The following NFASC variants were observed in gnomAD, a reference collection of about 807,000 sequenced individuals.
NFASC encodes neurofascin homolog.
Under a neutral mutation model 147.5 loss-of-function variants are expected in NFASC, and 43 were observed. The ratio of observed to expected loss-of-function variants is 0.29; its 90% CI spans 0.23 to 0.38. The LOEUF is 0.38. Ranked by LOEUF, NFASC falls within the 10% of genes least tolerant of loss-of-function variation. The probability of loss-of-function intolerance (pLI) is 1.00; values close to 1 mark genes in which losing one functional copy is unlikely to be tolerated. For synonymous variants in NFASC, 622 were observed against 665.5 expected (o/e 0.93, Z 1.01); for missense variants, 1,320 against 1,689.0 (o/e 0.78, Z 3.83).
chr1:204,841,223 C>T (rs528502894), intron 1 of NFASC, among the ~76,000 whole-genome samples: 2 of 152,186 alleles, frequency 1.3e-5, no homozygotes, highest in East Asian at 1.9e-4. Context: ...CCTGATTAAA[C>T]GTTATTATTC....
rs2095080122 is a variant in NFASC at position 204,968,544 on chromosome 1, C to G, written c.818+184C>G. The G allele has an allele frequency of 1.6e-6, 1 of 618,316 alleles. No homozygotes were observed. Among genetic ancestry groups the G allele is most frequent in the Non-Finnish European group, 2.8e-6 (1 of 351,874 alleles). The allele number at this position is 618,316 out of a possible 1,614,324, so 38.3% of individuals were successfully genotyped here. A position where few individuals can be genotyped will look rare whatever the true frequency, so the allele number is the denominator to read the frequency against. On this transcript the variant is annotated intron_variant, in intron 9 of 29. Transcript: ENST00000339876. The surrounding 1 kb of genome is among the most constrained non-coding windows in gnomAD (Gnocchi z 5.4). ...CATCTCCATCCTATCCTGGCCATCTCTGTTTTGGATAATGAGGAAAGAAGG... is the reference window on the plus strand; with the variant it reads ...CATCTCCATCCTATCCTGGCCATCTGTGTTTTGGATAATGAGGAAAGAAGG...
At chr1:204,870,814 A>T (rs2077557608) in intron 1 of NFASC, 2 of 1,178,596 alleles carry the variant, frequency 1.7e-6, no homozygotes, top group Admixed American at 3.8e-5. Flanking sequence ...AGGGCTGGGG[A>T]GGTGGCCGAT....
chr1:205,014,349 C>T (rs906980500), intron 29 of NFASC, among the ~76,000 whole-genome samples: 2 of 152,198 alleles, frequency 1.3e-5, no homozygotes, highest in Non-Finnish European at 2.9e-5. Context: ...CTAGAGCCCT[C>T]CCTTGGATGA....
At position 204,902,118 on chromosome 1, in the gene NFASC, A is replaced by G. The variant is rs1047313479; in HGVS notation, c.-199-18514A>G. On this transcript the variant is annotated intron_variant, in intron 1 of 29. Transcript: ENST00000339876. ...AGACCAGCCTGGGTAACATAGTGAG[A>G]CCCCGTCTCTACAACAAGTTTTAAA... Among the ~76,000 whole-genome samples the G allele has an allele frequency of 2.0e-5, 3 of 152,140 alleles. No homozygotes were observed. In the East Asian group the frequency reaches 5.8e-4, roughly 29 times the overall value.
At chr1:204,937,784 G>A (rs575281179) in intron 2 of NFASC, among the ~76,000 whole-genome samples, 16 of 152,282 alleles carry the variant, frequency 1.1e-4, no homozygotes, top group South Asian at 8.3e-4. Flanking sequence ...TGTTTTCTCC[G>A]TTGCACTTAT....
intron 1 of NFASC, among the ~76,000 whole-genome samples, chr1:204,830,013 G>A (rs1671765349): frequency 7.3e-6 from 1 of 137,464 alleles, no homozygotes; most frequent in East Asian, 2.0e-4. Context: ...TGGGGTGTGT[G>A]TGTGTGTGTG....
chr1:204,876,888 A>G (rs969684222), intron 1 of NFASC, among the ~76,000 whole-genome samples: 5 of 150,506 alleles, frequency 3.3e-5, no homozygotes, highest in African/African-American at 9.8e-5. Flanking sequence ...AAAGATTTGC[A>G]GCAGCTTGTA....
At position 204,975,396 on chromosome 1, in the gene NFASC, G is replaced by A. The variant is rs776576038; in HGVS notation, c.1684G>A (p.Glu562Lys). The change falls in exon 15 of 30, where the codon GAG becomes AAG. Residue 562 changes from glutamate to lysine, a missense_variant. Physicochemically the swap from Glu to Lys is moderately conservative, Grantham distance 56. This residue lies in a region of NFASC where 981 missense variants were observed against 1,289.5 expected (regional missense o/e 0.76). Coordinates refer to ENST00000339876, the MANE Select transcript of NFASC (RefSeq NM_001005388.3). This position sits in a 1 kb window ranked among gnomAD's most constrained non-coding sequence, Gnocchi z 4.0. Reference sequence around the variant, plus strand: ...CACCGTCTCCTGGCTGAAGGATGACGAGCCGCTCTATATTGGAAACAGGTT... The same window carrying A: ...CACCGTCTCCTGGCTGAAGGATGACAAGCCGCTCTATATTGGAAACAGGTT... Reference protein sequence around the residue: ...KLTVSWLKDDEPLYIGNRMKK... With the variant: ...KLTVSWLKDDKPLYIGNRMKK... The A allele has an allele frequency of 4.2e-5, 67 of 1,613,908 alleles. No individual in the cohort carries two copies. Among genetic ancestry groups the A allele is most frequent in the South Asian group, 7.7e-5 (7 of 91,086 alleles).
rs1178445734 is a variant in NFASC at position 205,020,103 on chromosome 1, G to T, written c.*3564G>T. The T allele has an allele frequency of 2.0e-5, 3 of 152,352 alleles. No individual in the cohort carries two copies. The highest frequency in any genetic ancestry group is 2.9e-5 in the Non-Finnish European group (2 of 68,066). 9.4% of individuals were successfully genotyped at this position (152,352 alleles called of 1,614,324 possible). On this transcript the variant is annotated 3_prime_UTR_variant, in exon 30 of 30. Transcript: ENST00000339876. Reference sequence around the variant, plus strand: ...TGCTCTGAGAGGTTGGAGACATCTGGTCCACCCCATTGCCCCTGCCCCTGG... The same window carrying T: ...TGCTCTGAGAGGTTGGAGACATCTGTTCCACCCCATTGCCCCTGCCCCTGG...
intron 26 of NFASC, among the ~76,000 whole-genome samples, chr1:205,002,320 TATA>T: frequency 6.6e-6 from 1 of 152,304 alleles, no homozygotes; most frequent in Non-Finnish European, 1.5e-5. Flanking sequence ...GGAAGTAGGT[TATA>T]ATATGTCTAG....
chr1:204,988,894 G>A (rs2095665828), intron 23 of NFASC, 88 bp downstream of exon 23: 1 of 1,287,400 alleles, frequency 7.8e-7, no homozygotes, highest in Admixed American at 1.7e-5. Flanking sequence ...CTGGCTGCCT[G>A]GGATGGAGAG....
rs182643551 is a variant in NFASC, at chr1:204,860,366, G to A, written c.-200+31584G>A. Among the ~76,000 whole-genome samples the A allele has an allele frequency of 2.0e-3, 308 of 152,274 alleles. 2 individuals carry two copies. Among genetic ancestry groups the A allele is most frequent in the Non-Finnish European group, 3.3e-3 (223 of 68,024 alleles). On this transcript the variant is annotated intron_variant, in intron 1 of 29. Transcript: ENST00000339876. ...CCTGATAAGTTTTGGTGTGGTGAGA[G>A]GTCAGGGCACATGGGCTGACTGTCA...
rs1175911837 is a variant in NFASC, at chr1:204,926,903, G to A, written c.-91+6163G>A. 7.2e-5 allele frequency among the ~76,000 whole-genome samples: 11 copies of A among 151,806 alleles called. No homozygotes were observed. In the East Asian group the frequency reaches 1.4e-3, roughly 19 times the overall value. ...AGCCTGGTCAACATGGTGAAACCCC[G>A]TCTCTACTAAAAATATAAAAATTAG... On this transcript the variant is annotated intron_variant, in intron 2 of 29. Transcript: ENST00000339876.
intron 1 of NFASC, among the ~76,000 whole-genome samples, chr1:204,887,686 T>G (rs1479869829): frequency 7.3e-6 from 1 of 136,398 alleles, no homozygotes; most frequent in Non-Finnish European, 1.5e-5. Flanking sequence ...AGCTTCGAAC[T>G]CCCAGGCTCA....
chr1:204,913,249 A>T (rs1176670607), intron 1 of NFASC, among the ~76,000 whole-genome samples: 1 of 152,222 alleles, frequency 6.6e-6, no homozygotes, highest in East Asian at 1.9e-4. Context: ...CTTAGAGTCA[A>T]CATCATAAAT....
At position 204,980,440 on chromosome 1, in the gene NFASC, G is replaced by A. The variant is rs199785953; in HGVS notation, c.2247G>A (p.Thr749=). ...AGAACAACATGGAGATCACGTGGAC[G>A]GTAAGAGGCCCTCCCAGCCCCAGTG... ...TRKNNMEITW[T]PMNATSAFGP... The change falls in exon 20 of 30, where the codon ACG becomes ACA. Residue 749 remains threonine, a splice_region_variant and synonymous_variant. Transcript: ENST00000339876. 2.9e-5 allele frequency: 47 copies of A among 1,610,446 alleles called. No homozygotes were observed. Among genetic ancestry groups the A allele is most frequent in the Non-Finnish European group, 3.7e-5 (44 of 1,177,770 alleles).
In NFASC at chr1:205,016,221, C is replaced by G. The variant is rs1165291502; in HGVS notation, c.3492-87C>G. 2.2e-5 allele frequency: 20 copies of G among 899,960 alleles called. No individual in the cohort carries two copies. In the Admixed American group the frequency reaches 3.2e-4, roughly 14 times the overall value. The allele number at this position is 899,960 out of a possible 1,614,324, so 55.7% of individuals were successfully genotyped here. On this transcript the variant is annotated intron_variant, in intron 29 of 29. Transcript: ENST00000339876. This position sits in a 1 kb window ranked among gnomAD's most constrained non-coding sequence, Gnocchi z 5.1. ...ACTGGGCGGTCTCCTGGATCCCATC[C>G]TCTCTGAGCTGTGTAGGGCATGTGC...
chr1:205,019,687 GA>G lies in NFASC; in HGVS notation c.*3149del, dbSNP rs2096387036. ...AGCCACTGATGGCTGCGAGCTTGAA[GA>G]GAGGGATTCTGAGGGAGAGCTTGGT... On this transcript the variant is annotated 3_prime_UTR_variant, in exon 30 of 30. Transcript: ENST00000339876. 6.6e-6 allele frequency: 1 copy of G among 152,254 alleles called. No homozygotes were observed. The allele number at this position is 152,254 out of a possible 1,614,324, so 9.4% of individuals were successfully genotyped here. A position where few individuals can be genotyped will look rare whatever the true frequency, so the allele number is the denominator to read the frequency against.
intron 1 of NFASC, chr1:204,871,130 T>C: frequency 7.8e-7 from 1 of 1,284,302 alleles, no homozygotes; most frequent in African/African-American, 1.5e-5. Flanking sequence ...TTCCTCCTGC[T>C]TTGGCCTTCA....
Sources: gnomAD v4.1 joint callset for allele counts (sites outside exome capture counted in the v4.1 genomes callset) on GRCh38, gnomAD v4.1.1 for gene constraint, gnomAD v4.1.1 regional missense constraint, Gnocchi (gnomAD v3.1) non-coding constraint, MANE v1.5 for transcripts, NCBI Gene and HGNC (gene_info 2026-07-23, HGNC 2026-07-21) for gene names.